Variants in ABI2 observed in about 807,000 individuals in gnomAD.
ABI2 encodes the protein abl interactor 2, also known as abelson interactor 2.
Under a neutral mutation model 59.2 loss-of-function variants are expected in ABI2, and 25 were observed. That is an observed-to-expected ratio of 0.42 (90% CI 0.31 to 0.59). The LOEUF is 0.59. Among genes scored for constraint, ABI2 ranks in the 20% least tolerant of loss-of-function variants. ABI2 has a pLI of 0.14. For synonymous variants in ABI2, 213 were observed against 235.5 expected (o/e 0.90, Z 0.87); for missense variants, 545 against 681.8 (o/e 0.80, Z 2.23).
At chr2:203,328,821 A>G (rs1403428584) in intron 1 of ABI2, 190 bp downstream of exon 1, 2 of 391,042 alleles carry the variant, frequency 5.1e-6, no homozygotes, top group Non-Finnish European at 9.1e-6. Flanking sequence ...CATTTTAAAA[A>G]CCTTTAAAAA....
chr2:203,348,242 A>G (rs1430357556), intron 1 of ABI2, among the ~76,000 whole-genome samples: 1 of 152,206 alleles, frequency 6.6e-6, no homozygotes, highest in Non-Finnish European at 1.5e-5. Context: ...CTTTGTCTCA[A>G]AATAATAATA....
At chr2:203,347,466 C>T (rs564673386) in intron 1 of ABI2, among the ~76,000 whole-genome samples, 8 of 152,136 alleles carry the variant, frequency 5.3e-5, no homozygotes, top group Admixed American at 2.0e-4. Context: ...CACGAAGAAC[C>T]GTAGCATGTA....
chr2:203,341,720 A>C (rs935142793), intron 1 of ABI2, among the ~76,000 whole-genome samples: 1 of 152,186 alleles, frequency 6.6e-6, no homozygotes, highest in South Asian at 2.1e-4. Context: ...AAAAAAAAAC[A>C]AAAGAAATTA....
intron 1 of ABI2, among the ~76,000 whole-genome samples, chr2:203,364,625 TA>T (rs2094122017): frequency 6.6e-6 from 1 of 152,232 alleles, no homozygotes; most frequent in African/African-American, 2.4e-5. Context: ...CAGAAAGGTT[TA>T]AAAATCTTTT....
At chr2:203,394,662 T>A (rs2096901745) in intron 5 of ABI2, 38 bp from the exon 6 acceptor site, 1 of 1,581,110 alleles carries the variant, frequency 6.3e-7, no homozygotes, top group Non-Finnish European at 8.6e-7. Context: ...TGCCGAAACT[T>A]GCTTAATCAT....
intron 1 of ABI2, among the ~76,000 whole-genome samples, chr2:203,346,303 CTT>C (rs906557617): frequency 1.3e-5 from 2 of 152,086 alleles, no homozygotes; most frequent in Non-Finnish European, 2.9e-5. Flanking sequence ...TATTTGGTAT[CTT>C]TTTCAGGTTT....
intron 1 of ABI2, among the ~76,000 whole-genome samples, chr2:203,349,539 GA>G (rs1466524372): frequency 6.6e-6 from 1 of 152,096 alleles, no homozygotes; most frequent in Non-Finnish European, 1.5e-5. Context: ...CAAGTAGCTG[GA>G]ATTACAGGCA....
intron 9 of ABI2, among the ~76,000 whole-genome samples, 164 bp downstream of exon 9, chr2:203,402,898 A>G (rs1378884393): frequency 6.6e-6 from 1 of 152,168 alleles, no homozygotes; most frequent in Non-Finnish European, 1.5e-5. Flanking sequence ...GTATCTTTCA[A>G]TTCTTTAAAA....
At chr2:203,376,186 G>A (rs2095665427) in intron 2 of ABI2, 1 of 1,397,368 alleles carries the variant, frequency 7.2e-7, no homozygotes, top group African/African-American at 1.4e-5. Context: ...TCTCAACCAG[G>A]GAAGTTTTGC....
At chr2:203,329,033 C>T (rs1423845376) in intron 1 of ABI2, 4 of 162,768 alleles carry the variant, frequency 2.5e-5, no homozygotes, top group Non-Finnish European at 5.3e-5. Flanking sequence ...CCTCCATCCC[C>T]CAAATTCTGG....
At chr2:203,344,916 A>G (rs1308367283) in intron 1 of ABI2, among the ~76,000 whole-genome samples, 1 of 152,230 alleles carries the variant, frequency 6.6e-6, no homozygotes, top group African/African-American at 2.4e-5. Flanking sequence ...CGAACCAATC[A>G]GCGCTCTGTA....
chr2:203,350,531 C>G (rs1235556247), intron 1 of ABI2, among the ~76,000 whole-genome samples: 5 of 150,266 alleles, frequency 3.3e-5, no homozygotes, highest in Non-Finnish European at 5.9e-5. Flanking sequence ...TTTTCTTTTT[C>G]TTTCTTTTCT....
chr2:203,401,501 A>T (rs892547695), intron 8 of ABI2, among the ~76,000 whole-genome samples: 1 of 152,156 alleles, frequency 6.6e-6, no homozygotes, highest in Non-Finnish European at 1.5e-5. Context: ...GGATTATATT[A>T]TTAGGAAACT....
chr2:203,399,009 G>A (rs944432648), intron 8 of ABI2, among the ~76,000 whole-genome samples: 3 of 152,138 alleles, frequency 2.0e-5, no homozygotes, highest in African/African-American at 7.2e-5. Context: ...CTATAAACAT[G>A]TACATACAGG....
chr2:203,340,578 G>C (rs935410157), intron 1 of ABI2, among the ~76,000 whole-genome samples: 1 of 151,800 alleles, frequency 6.6e-6, no homozygotes, highest in Non-Finnish European at 1.5e-5. Flanking sequence ...GGCTGGTCTC[G>C]AACTCCTGGG....
chr2:203,426,897 T>C (rs1479767576), intron 11 of ABI2, among the ~76,000 whole-genome samples: 1 of 152,058 alleles, frequency 6.6e-6, no homozygotes, highest in African/African-American at 2.4e-5. Flanking sequence ...GGTACTTCCC[T>C]GTAGGCTCTT....
intron 1 of ABI2, among the ~76,000 whole-genome samples, chr2:203,339,073 A>AT (rs1322676915): frequency 4.1e-5 from 6 of 145,996 alleles, no homozygotes; most frequent in Non-Finnish European, 6.0e-5. Context: ...CTAAGTAGAC[A>AT]TTTTTTCAAA....
chr2:203,366,620 A>C (rs901170078), intron 1 of ABI2, among the ~76,000 whole-genome samples: 1 of 152,102 alleles, frequency 6.6e-6, no homozygotes. Flanking sequence ...ATTGGATCTC[A>C]TTTTCTAGAT....
rs779971202 is a variant in ABI2, at chr2:203,417,051, C to T, written c.1423C>T (p.Pro475Ser). The part of the protein sequence containing the change: ...YSDPYAEEDP[P>S]WAPRSYLEKV... Reference sequence around the variant, plus strand: ...TGATCCTTATGCTGAAGAGGACCCACCGTGGGCTCCACGTTCTTACTTGGA... The same window carrying T: ...TGATCCTTATGCTGAAGAGGACCCATCGTGGGCTCCACGTTCTTACTTGGA... The change falls in exon 11 of 12, where the codon CCG becomes TCG. Residue 475 changes from proline (P) to serine (S), a missense_variant. Pro to Ser is a moderately conservative substitution (Grantham distance 74). Transcript: ENST00000261018. 6.2e-7 allele frequency: 1 copy of T among 1,612,144 alleles called. No individual in the cohort carries two copies. Among genetic ancestry groups the T allele is most frequent in the South Asian group, 1.1e-5 (1 of 90,542 alleles).
Sources: allele counts gnomAD v4.1 joint callset (sites outside exome capture counted in the v4.1 genomes callset), GRCh38; gene constraint gnomAD v4.1.1; transcripts MANE v1.5; gene names NCBI Gene and HGNC (gene_info 2026-07-23, HGNC 2026-07-21).